The following KBTBD12 variants were observed in gnomAD, a reference collection of about 807,000 sequenced individuals.
KBTBD12 encodes the protein kelch repeat and BTB domain-containing protein 12.
A neutral mutation model predicts 58.7 loss-of-function variants in KBTBD12; 53 were observed. The observed-to-expected ratio is 0.90, with a 90% CI of 0.72 to 1.14. The LOEUF is 1.14. Among genes scored for constraint, KBTBD12 ranks in the 50% most tolerant of loss-of-function variants. The pLI is 0.00. For missense variants in KBTBD12, 704 were observed against 751.3 expected (o/e 0.94, Z 0.74); for synonymous variants, 236 against 259.8 (o/e 0.91, Z 0.88).
chr3:127,968,106 T>C (rs1940613795), intron 5 of KBTBD12, among the ~76,000 whole-genome samples: 1 of 152,230 alleles, frequency 6.6e-6, no homozygotes, highest in Non-Finnish European at 1.5e-5. Flanking sequence ...AAAACTGGCA[T>C]AATAACTGGC....
At chr3:127,966,672 C>T (rs111809060) in intron 5 of KBTBD12, among the ~76,000 whole-genome samples, 20 of 151,930 alleles carry the variant, frequency 1.3e-4, no homozygotes, top group African/African-American at 3.6e-4. Context: ...AATGGCTAAA[C>T]AGAGAAAACA....
intron 5 of KBTBD12, among the ~76,000 whole-genome samples, chr3:127,970,777 A>C (rs11711692): frequency 0.16 from 24,019 of 152,158 alleles, 2,148 homozygotes; most frequent in South Asian, 0.32. Flanking sequence ...TTGCCAGAAA[A>C]TGGAGAAAGG....
At position 127,961,748 on chromosome 3, in the gene KBTBD12, A is replaced by G. The variant is rs116580770; in HGVS notation, c.1493-1441A>G. Among the ~76,000 whole-genome samples the G allele has an allele frequency of 4.6e-3, 696 of 152,344 alleles. 3 individuals carry two copies. The highest frequency in any genetic ancestry group is 0.016 in the African/African-American group (670 of 41,584). On this transcript the variant is annotated intron_variant, in intron 4 of 5. Transcript: ENST00000405109. ...TCTTCATTCCAACACACAACGTGTCAGGCACTGGGCTAGGTACTAGGGATG... is the reference window on the plus strand; with the variant it reads ...TCTTCATTCCAACACACAACGTGTCGGGCACTGGGCTAGGTACTAGGGATG...
chr3:127,984,301 CTGCTGTTCTGCA>C lies in KBTBD12; in HGVS notation c.*24_*35del. On this transcript the variant is annotated 3_prime_UTR_variant, in exon 6 of 6. Transcript: ENST00000405109. Reference sequence around the variant, plus strand: ...TAAGGTGACCTTGCTGGAGGACCTCCTGCTGTTCTGCAAACAAGGCCTTCAGAACGGAGAGGG... The same window carrying C: ...TAAGGTGACCTTGCTGGAGGACCTCCAACAAGGCCTTCAGAACGGAGAGGG... The C allele has an allele frequency of 6.2e-7, 1 of 1,604,810 alleles. No individual in the cohort carries two copies.
intron 4 of KBTBD12, among the ~76,000 whole-genome samples, chr3:127,942,968 T>G (rs1474956324): frequency 6.6e-6 from 1 of 152,034 alleles, no homozygotes; most frequent in East Asian, 1.9e-4. Context: ...ATTAACTAAT[T>G]TATTCTCATG....
At chr3:127,916,130 G>C (rs6763861) in intron 1 of KBTBD12, among the ~76,000 whole-genome samples, 2,791 of 152,254 alleles carry the variant, frequency 0.018, 86 homozygotes, top group African/African-American at 0.058. Context: ...AAAGTATAAA[G>C]CACTGTGAGA....
intron 5 of KBTBD12, among the ~76,000 whole-genome samples, chr3:127,977,674 G>A (rs1360427607): frequency 6.6e-6 from 1 of 152,088 alleles, no homozygotes; most frequent in East Asian, 1.9e-4. Flanking sequence ...TTTTAATGGG[G>A]TTGTTTGTTT....
At chr3:127,946,546 G>C (rs1409328617) in intron 4 of KBTBD12, among the ~76,000 whole-genome samples, 1 of 152,142 alleles carries the variant, frequency 6.6e-6, no homozygotes, top group African/African-American at 2.4e-5. Context: ...CTGACTTCAT[G>C]TGAGATTTTT....
chr3:127,925,429 G>T (rs1939546320), intron 2 of KBTBD12, among the ~76,000 whole-genome samples: 1 of 152,064 alleles, frequency 6.6e-6, no homozygotes, highest in African/African-American at 2.4e-5. Flanking sequence ...CTCTTGACCT[G>T]GTACTTCAGG....
Position 127,985,641 on chromosome 3 carries a change from G to T in KBTBD12, c.*1363G>T, listed in dbSNP as rs1302348656. On this transcript the variant is annotated 3_prime_UTR_variant, in exon 6 of 6. Coordinates refer to ENST00000405109, the MANE Select transcript of KBTBD12 (RefSeq NM_207335.4). Reference sequence around the variant, plus strand: ...TAGGTTCCAGCTGCCCACCAGGCAGGACAGGCAGGTCTTGCCAAAACTGGA... The same window carrying T: ...TAGGTTCCAGCTGCCCACCAGGCAGTACAGGCAGGTCTTGCCAAAACTGGA... 2 of 152,352 alleles carry T rather than the reference G, an allele frequency of 1.3e-5. No individual in the cohort carries two copies. Among genetic ancestry groups the T allele is most frequent in the African/African-American group, 2.4e-5 (1 of 41,452 alleles). 9.4% of individuals were successfully genotyped at this position (152,352 alleles called of 1,614,324 possible). A position where few individuals can be genotyped will look rare whatever the true frequency, so the allele number is the denominator to read the frequency against.
chr3:127,950,512 A>C (rs371968990), intron 4 of KBTBD12, among the ~76,000 whole-genome samples: 1 of 152,306 alleles, frequency 6.6e-6, no homozygotes, highest in East Asian at 1.9e-4. Context: ...CATTGAAGAG[A>C]TACTGAATTT....
chr3:127,920,464 T>TG (rs1162770315), intron 1 of KBTBD12, among the ~76,000 whole-genome samples: 1 of 152,036 alleles, frequency 6.6e-6, no homozygotes, highest in African/African-American at 2.4e-5. Context: ...TAAGGGATGT[T>TG]TAAGTTATTT....
intron 5 of KBTBD12, among the ~76,000 whole-genome samples, chr3:127,975,234 C>T (rs115671261): frequency 6.6e-6 from 1 of 152,110 alleles, no homozygotes; most frequent in Non-Finnish European, 1.5e-5. Context: ...AGTTGTCTCA[C>T]CCAAAGGGTG....
At position 127,923,545 on chromosome 3, in the gene KBTBD12, G is replaced by A. The variant is rs773032243; in HGVS notation, c.484G>A (p.Glu162Lys). ...SKKYLYQHFAEVSLHEEILEI... is the reference protein window; with the variant it reads ...SKKYLYQHFAKVSLHEEILEI... Reference sequence around the variant, plus strand: ...GAAATATTTATATCAGCACTTTGCCGAGGTGAGCTTACATGAAGAAATACT... The same window carrying A: ...GAAATATTTATATCAGCACTTTGCCAAGGTGAGCTTACATGAAGAAATACT... Residue 162 changes from glutamate (E) to lysine (K), a missense_variant, in exon 2 of 6, where the codon GAG (glutamate) becomes AAG (lysine). Transcript: ENST00000405109. 40 of 1,612,912 alleles carry A rather than the reference G, an allele frequency of 2.5e-5. No individual in the cohort carries two copies. In the South Asian group the frequency reaches 2.6e-4, roughly 11 times the overall value.
intron 4 of KBTBD12, among the ~76,000 whole-genome samples, chr3:127,954,754 C>T (rs1300098811): frequency 6.6e-6 from 1 of 152,186 alleles, no homozygotes; most frequent in Admixed American, 6.5e-5. Flanking sequence ...TCCTGCCACT[C>T]CTCCACCCCA....
intron 1 of KBTBD12, among the ~76,000 whole-genome samples, chr3:127,918,992 G>T (rs1286300428): frequency 6.6e-6 from 1 of 152,098 alleles, no homozygotes; most frequent in Non-Finnish European, 1.5e-5. Flanking sequence ...TTTAAACAGT[G>T]AAACTGGGAC....
intron 4 of KBTBD12, among the ~76,000 whole-genome samples, chr3:127,944,170 G>T (rs4857882): frequency 0.59 from 89,481 of 151,944 alleles, 27,373 homozygotes; most frequent in African/African-American, 0.75. Context: ...ATTTGGAGTC[G>T]TTCATGGTTC....
chr3:127,982,766 C>T (rs1940895493), intron 5 of KBTBD12, among the ~76,000 whole-genome samples: 1 of 152,224 alleles, frequency 6.6e-6, no homozygotes, highest in Admixed American at 6.5e-5. Context: ...GTCCCAGCTC[C>T]AGTGCTCTCT....
chr3:127,958,271 G>T (rs1576387722), intron 4 of KBTBD12, among the ~76,000 whole-genome samples: 1 of 152,098 alleles, frequency 6.6e-6, no homozygotes, highest in Admixed American at 6.5e-5. Flanking sequence ...GAGGGCTGTG[G>T]TGACATTCAT....
Sources: allele counts gnomAD v4.1 joint callset (sites outside exome capture counted in the v4.1 genomes callset), GRCh38; gene constraint gnomAD v4.1.1; transcripts MANE v1.5; gene names NCBI Gene and HGNC (gene_info 2026-07-23, HGNC 2026-07-21).